The following FLRT2 variants were observed in gnomAD, a reference collection of about 807,000 sequenced individuals.
FLRT2 encodes fibronectin leucine rich transmembrane protein 2, also known as leucine-rich repeat transmembrane protein FLRT2.
FLRT2 carries 15 observed loss-of-function variants against 40.0 expected under a neutral mutation model. The ratio of observed to expected loss-of-function variants is 0.38; its 90% CI spans 0.25 to 0.58. The LOEUF (loss-of-function observed/expected upper bound fraction) is 0.58, where lower values mean the gene tolerates loss of function less well. Ranked by LOEUF, FLRT2 falls within the 20% of genes least tolerant of loss-of-function variation. The probability of loss-of-function intolerance (pLI) is 0.71; values close to 1 mark genes in which losing one functional copy is unlikely to be tolerated. For synonymous variants in FLRT2, 380 were observed against 336.8 expected (o/e 1.13, Z -1.41); for missense variants, 726 against 840.0 (o/e 0.86, Z 1.68).
chr14:85,611,917 CGTGTGTGTGTGTGTGTGTGT>C (rs71120529), intron 1 of FLRT2, among the ~76,000 whole-genome samples: 5 of 130,952 alleles, frequency 3.8e-5, no homozygotes, highest in South Asian at 2.7e-4. Flanking sequence ...TGCGCGAAAG[CGTGTGTGTGTGTGTGTGTGT>C]GTGTGTGTGT....
In FLRT2 at chr14:85,647,350, TATA is replaced by T. The variant is rs1251184184; in HGVS notation, c.*23857_*23859del. 3 of 152,152 alleles carry T rather than the reference TATA, an allele frequency of 2.0e-5. No homozygotes were observed. The highest frequency in any genetic ancestry group is 7.2e-5 in the African/African-American group (3 of 41,448). The allele number at this position is 152,152 out of a possible 1,614,324, so 9.4% of individuals were successfully genotyped here. A position where few individuals can be genotyped will look rare whatever the true frequency, so the allele number is the denominator to read the frequency against. ...AGCAGAATTGAATGTTGCCCAGCAATATAATATATGTAAATCATACCAAATTAT... is the reference window on the plus strand; with the variant it reads ...AGCAGAATTGAATGTTGCCCAGCAATATATATGTAAATCATACCAAATTAT... On this transcript the variant is annotated 3_prime_UTR_variant, in exon 2 of 2. Coordinates refer to ENST00000330753, the MANE Select transcript of FLRT2 (RefSeq NM_013231.6).
At position 85,637,047 on chromosome 14, in the gene FLRT2, G is replaced by A. The variant is rs1250019564; in HGVS notation, c.*13550G>A. The A allele has an allele frequency of 6.6e-6, 1 of 151,896 alleles. No individual in the cohort carries two copies. Among genetic ancestry groups the A allele is most frequent in the Non-Finnish European group, 1.5e-5 (1 of 67,976 alleles). 9.4% of individuals were successfully genotyped at this position (151,896 alleles called of 1,614,324 possible). ...TAATCTAAGTGGGCAAGTAAATACT[G>A]GTGTGACATACATTTTTAGGGAAAA... is the stretch of plus-strand genomic sequence containing the variant. On this transcript the variant is annotated 3_prime_UTR_variant, in exon 2 of 2. Coordinates refer to ENST00000330753, the MANE Select transcript of FLRT2 (RefSeq NM_013231.6).
Position 85,622,024 on chromosome 14 carries a change from C to T in FLRT2, c.510C>T (p.His170=). The part of the protein sequence containing the change: ...SLKLLFLSKN[H]LSSVPVGLPV... ...AATTGTTGTTTTTGTCTAAGAATCA[C>T]CTGAGCAGTGTGCCTGTTGGGCTTC... Residue 170 remains histidine, a synonymous_variant, in exon 2 of 2, where the codon CAC becomes CAT. Transcript: ENST00000330753. 6.2e-7 allele frequency: 1 copy of T among 1,612,858 alleles called. No homozygotes were observed. Among genetic ancestry groups the T allele is most frequent in the Non-Finnish European group, 8.5e-7 (1 of 1,179,418 alleles).
chr14:85,541,132 G>T (rs2139809976), intron 1 of FLRT2, among the ~76,000 whole-genome samples: 1 of 152,202 alleles, frequency 6.6e-6, no homozygotes, highest in Non-Finnish European at 1.5e-5. Context: ...TTTCCAAATA[G>T]GTCTTAGGGA....
intron 1 of FLRT2, among the ~76,000 whole-genome samples, chr14:85,549,820 T>A (rs1595004386): frequency 6.6e-6 from 1 of 152,084 alleles, no homozygotes; most frequent in Non-Finnish European, 1.5e-5. Context: ...ATTTTTTTTT[T>A]TTTTTTTTGG....
At position 85,623,256 on chromosome 14, in the gene FLRT2, G is replaced by C. The variant is rs750630398; in HGVS notation, c.1742G>C (p.Arg581Pro). ...RYTSQKWKYN[R>P]GRRKDDYCEA... ...ACCTCCCAGAAGTGGAAATACAACCGGGGCCGGCGGAAAGATGATTATTGC... is the reference window on the plus strand; with the variant it reads ...ACCTCCCAGAAGTGGAAATACAACCCGGGCCGGCGGAAAGATGATTATTGC... The change falls in exon 2 of 2, where the codon CGG becomes CCG. Residue 581 changes from arginine to proline, a missense_variant. Arg to Pro is a moderately radical substitution (Grantham distance 103). Coordinates refer to ENST00000330753, the MANE Select transcript of FLRT2 (RefSeq NM_013231.6). 3 of 1,515,668 alleles carry C rather than the reference G, an allele frequency of 2.0e-6. No individual in the cohort carries two copies. The highest frequency in any genetic ancestry group is 2.3e-5 in the East Asian group (1 of 43,864). 93.9% of individuals were successfully genotyped at this position (1,515,668 alleles called of 1,614,324 possible). A position where few individuals can be genotyped will look rare whatever the true frequency, so the allele number is the denominator to read the frequency against.
rs960193347 is a variant in FLRT2, at chr14:85,552,331, C to T, written c.-377+21797C>T. 2.6e-5 allele frequency among the ~76,000 whole-genome samples: 4 copies of T among 152,284 alleles called. No homozygotes were observed. In the South Asian group the frequency reaches 8.3e-4, roughly 32 times the overall value. ...CTTAACCTATATAATCCTCACTTTT[C>T]TCATCTGCATAGTGGGGATAGCAGT... On this transcript the variant is annotated intron_variant, in intron 1 of 1. Transcript: ENST00000330753.
intron 1 of FLRT2, among the ~76,000 whole-genome samples, chr14:85,574,746 C>G (rs1259221065): frequency 6.6e-6 from 1 of 152,160 alleles, no homozygotes; most frequent in Non-Finnish European, 1.5e-5. Context: ...CATGTGGATA[C>G]TGCCACCTTC....
chr14:85,583,677 A>T (rs1301593861), intron 1 of FLRT2, among the ~76,000 whole-genome samples: 1 of 152,126 alleles, frequency 6.6e-6, no homozygotes, highest in African/African-American at 2.4e-5. Flanking sequence ...ACGGAAGGAG[A>T]TATAATTTAC....
intron 1 of FLRT2, among the ~76,000 whole-genome samples, chr14:85,589,788 A>G (rs890279304): frequency 2.0e-5 from 3 of 152,172 alleles, no homozygotes; most frequent in African/African-American, 7.2e-5. Context: ...ATTTTTGTAT[A>G]TGGCAAGGGA....
In FLRT2 at chr14:85,621,696, T is replaced by A. The variant is rs1893390762; in HGVS notation, c.182T>A (p.Ile61Asn). The A allele has an allele frequency of 6.2e-7, 1 of 1,613,998 alleles. No individual in the cohort carries two copies. The highest frequency in any genetic ancestry group is 8.5e-7 in the Non-Finnish European group (1 of 1,180,038). The change falls in exon 2 of 2, where the codon ATC (isoleucine) becomes AAC (asparagine). Residue 61 changes from isoleucine to asparagine, a missense_variant. By Grantham distance (149) the Ile-to-Asn change is moderately radical (BLOSUM62 -3). This residue lies in a region of FLRT2 where 106 missense variants were observed against 121.2 expected (regional missense o/e 0.87). Transcript: ENST00000330753. ...AGCTTGACCTCAGTGCCTCTTGGGA[T>A]CCCGGAGGGCGTAACTGTACTCTAC... ...ERSLTSVPLG[I>N]PEGVTVLYLH...
chr14:85,578,871 C>T (rs1290451890), intron 1 of FLRT2, among the ~76,000 whole-genome samples: 1 of 152,172 alleles, frequency 6.6e-6, no homozygotes, highest in Non-Finnish European at 1.5e-5. Context: ...ATGGCCATCC[C>T]TGCTCCTCAA....
At position 85,623,225 on chromosome 14, in the gene FLRT2, C is replaced by T. The variant is rs769370773; in HGVS notation, c.1711C>T (p.Arg571Cys). 1.3e-6 allele frequency: 2 copies of T among 1,527,706 alleles called. No individual in the cohort carries two copies. Among genetic ancestry groups the T allele is most frequent in the Admixed American group, 2.1e-5 (1 of 46,538 alleles). The allele number at this position is 1,527,706 out of a possible 1,614,324, so 94.6% of individuals were successfully genotyped here. Reference protein sequence around the residue: ...VFCWHMHKKGRYTSQKWKYNR... With the variant: ...VFCWHMHKKGCYTSQKWKYNR... ...TTGCTGGCATATGCACAAAAAGGGG[C>T]GCTACACCTCCCAGAAGTGGAAATA... The change falls in exon 2 of 2, where the codon CGC becomes TGC. Residue 571 changes from arginine (R) to cysteine (C), a missense_variant. Coordinates refer to ENST00000330753, the MANE Select transcript of FLRT2 (RefSeq NM_013231.6).
chr14:85,557,832 T>A (rs11849833), intron 1 of FLRT2, among the ~76,000 whole-genome samples: 16,889 of 143,740 alleles, frequency 0.12, 1,071 homozygotes, highest in African/African-American at 0.16. Context: ...ATAAATAAAT[T>A]AATTAATTAA....
intron 1 of FLRT2, among the ~76,000 whole-genome samples, chr14:85,595,693 G>A (rs1892108069): frequency 6.6e-6 from 1 of 152,116 alleles, no homozygotes; most frequent in Admixed American, 6.5e-5. Context: ...CATGTTCAAA[G>A]GGCATCGATA....
At chr14:85,565,549 AT>A (rs1890580133) in intron 1 of FLRT2, among the ~76,000 whole-genome samples, 1 of 152,024 alleles carries the variant, frequency 6.6e-6, no homozygotes, top group Non-Finnish European at 1.5e-5. Flanking sequence ...AGTGATCAAA[AT>A]TTTTTTTATT....
At chr14:85,560,561 G>A (rs112836492) in intron 1 of FLRT2, among the ~76,000 whole-genome samples, 28 of 151,792 alleles carry the variant, frequency 1.8e-4, no homozygotes, top group African/African-American at 6.8e-4. Context: ...AGCCTGGGCT[G>A]CAGAGCGAGA....
rs961852501 is a variant in FLRT2, at chr14:85,630,917, T to C, written c.*7420T>C. On this transcript the variant is annotated 3_prime_UTR_variant, in exon 2 of 2. Transcript: ENST00000330753. The stretch of plus-strand genomic sequence containing the variant: ...AAGGACAAAGGGTAATCATAATCTA[T>C]AAGGAATGCCTGAGTACGATACTGC... The C allele has an allele frequency of 1.3e-5, 2 of 151,926 alleles. No homozygotes were observed. Among genetic ancestry groups the C allele is most frequent in the South Asian group, 2.1e-4 (1 of 4,814 alleles). The allele number at this position is 151,926 out of a possible 1,614,324, so 9.4% of individuals were successfully genotyped here.
chr14:85,609,352 C>T (rs935950883), intron 1 of FLRT2, among the ~76,000 whole-genome samples: 3 of 152,236 alleles, frequency 2.0e-5, no homozygotes, highest in South Asian at 2.1e-4. Context: ...AAGGTTGGTA[C>T]TGTGGTCAAT....
Sources: allele counts gnomAD v4.1 joint callset (sites outside exome capture counted in the v4.1 genomes callset), GRCh38; gene constraint gnomAD v4.1.1; regional missense constraint gnomAD v4.1.1; transcripts MANE v1.5; gene names NCBI Gene and HGNC (gene_info 2026-07-23, HGNC 2026-07-21).